DPP6: variants seen among roughly 807,000 people sequenced by gnomAD.
DPP6 encodes dipeptidyl peptidase like 6.
A neutral mutation model predicts 122.6 loss-of-function variants in DPP6; 69 were observed. That is an observed-to-expected ratio of 0.56 (90% confidence interval 0.46 to 0.69). DPP6 has a LOEUF of 0.69. Among genes scored for constraint, DPP6 ranks in the 30% least tolerant of loss-of-function variants. The pLI is 0.00. For synonymous variants in DPP6, 418 were observed against 433.1 expected (o/e 0.97, Z 0.43); for missense variants, 928 against 1,116.9 (o/e 0.83, Z 2.41).
chr7:154,715,230 C>A (rs905523555), intron 7 of DPP6, among the ~76,000 whole-genome samples: 2 of 152,062 alleles, frequency 1.3e-5, no homozygotes, highest in Non-Finnish European at 2.9e-5. Flanking sequence ...CCATACCTGG[C>A]TAATTTTTGT....
intron 1 of DPP6, among the ~76,000 whole-genome samples, chr7:154,104,823 G>A (rs1806031267): frequency 1.3e-5 from 2 of 151,764 alleles, no homozygotes; most frequent in East Asian, 1.9e-4. Context: ...CAAACACTCA[G>A]TGTAAGATCA....
intron 1 of DPP6, among the ~76,000 whole-genome samples, chr7:153,967,486 G>A (rs1456819985): frequency 1.3e-5 from 2 of 152,294 alleles, no homozygotes; most frequent in Non-Finnish European, 2.9e-5. Context: ...GAATTACCAA[G>A]CCTGCCTTGT....
At chr7:154,062,015 G>T (rs200957388) in intron 1 of DPP6, among the ~76,000 whole-genome samples, 3 of 40,690 alleles carry the variant, frequency 7.4e-5, no homozygotes, top group Non-Finnish European at 1.6e-4. Context: ...CCCCATCGCA[G>T]GGGGGGGGAG....
chr7:153,789,896 C>A, the DPP6 span, among the ~76,000 whole-genome samples: 12 of 151,996 alleles, frequency 7.9e-5, no homozygotes, highest in Non-Finnish European at 1.5e-5. Context: ...AATATATAAT[C>A]TTCTTCAAAG....
chr7:154,600,065 C>T (rs1228496866), intron 5 of DPP6, among the ~76,000 whole-genome samples: 2 of 152,142 alleles, frequency 1.3e-5, no homozygotes, highest in Non-Finnish European at 2.9e-5. Context: ...TCCTGGCTTA[C>T]TCCAATTTCC....
At chr7:154,811,411 C>A (rs919677077) in intron 16 of DPP6, among the ~76,000 whole-genome samples, 4 of 152,178 alleles carry the variant, frequency 2.6e-5, no homozygotes, top group African/African-American at 9.7e-5. Context: ...GCTATGAAAT[C>A]TTAAAGGAGA....
intron 1 of DPP6, among the ~76,000 whole-genome samples, chr7:154,113,690 T>C (rs2150590463): frequency 6.6e-6 from 1 of 152,338 alleles, no homozygotes; most frequent in Non-Finnish European, 1.5e-5. Flanking sequence ...ATTTCCCCCA[T>C]GCCTTCTTTT....
intron 1 of DPP6, among the ~76,000 whole-genome samples, chr7:154,355,258 T>G (rs1157114190): frequency 6.6e-6 from 1 of 152,240 alleles, no homozygotes; most frequent in East Asian, 1.9e-4. Flanking sequence ...CTACAAAAGT[T>G]ATTTATATAT....
chr7:154,332,102 C>T (rs1482783190), intron 1 of DPP6, among the ~76,000 whole-genome samples: 1 of 149,664 alleles, frequency 6.7e-6, no homozygotes, highest in Non-Finnish European at 1.5e-5. Context: ...GACAGAGTCT[C>T]ACTCTGTCAC....
chr7:154,198,451 G>A (rs1445676177), intron 1 of DPP6, among the ~76,000 whole-genome samples: 1 of 151,950 alleles, frequency 6.6e-6, no homozygotes, highest in South Asian at 2.1e-4. Flanking sequence ...AGCTGGAATT[G>A]CAGGTGTGTG....
intron 10 of DPP6, 41 bp from the exon 11 acceptor site, chr7:154,794,038 G>C: frequency 6.3e-7 from 1 of 1,598,350 alleles, no homozygotes; most frequent in South Asian, 1.1e-5. Flanking sequence ...TGTCGTGCGG[G>C]GGTCCTGCCA....
In DPP6 at chr7:154,481,807, T is replaced by C. The variant is rs1310278280; in HGVS notation, c.457+6770T>C. ...TCCCTAATTCTTGCTCTGCCCCACATTGACTCTTCTGGTTTTGGATTCTCC... is the reference window on the plus strand; with the variant it reads ...TCCCTAATTCTTGCTCTGCCCCACACTGACTCTTCTGGTTTTGGATTCTCC... On this transcript the variant is annotated intron_variant, in intron 3 of 25. Transcript: ENST00000377770. The surrounding 1 kb of genome is among the most constrained non-coding windows in gnomAD (Gnocchi z 4.2). 6.6e-6 allele frequency among the ~76,000 whole-genome samples: 1 copy of C among 152,140 alleles called. No homozygotes were observed. The highest frequency in any genetic ancestry group is 1.9e-4 in the East Asian group (1 of 5,176).
intron 6 of DPP6, among the ~76,000 whole-genome samples, chr7:154,642,774 T>C (rs10264664): frequency 0.15 from 22,672 of 151,550 alleles, 1,978 homozygotes; most frequent in African/African-American, 0.25. Flanking sequence ...CTACTAAAAA[T>C]ACAAAACTTG....
intron 1 of DPP6, among the ~76,000 whole-genome samples, chr7:153,915,932 G>A (rs570560347): frequency 5.2e-4 from 77 of 148,248 alleles, no homozygotes; most frequent in African/African-American, 1.9e-3. Flanking sequence ...AAGATAAATA[G>A]CTCCTCTGAT....
the DPP6 span, among the ~76,000 whole-genome samples, chr7:153,835,571 T>C: frequency 1.7e-3 from 251 of 152,106 alleles, 1 homozygote; most frequent in African/African-American, 5.8e-3. Flanking sequence ...TGAGGGCAGG[T>C]GATCAGGTGC....
At chr7:154,538,607 A>G (rs77416561) in intron 3 of DPP6, among the ~76,000 whole-genome samples, 4,971 of 152,338 alleles carry the variant, frequency 0.033, 271 homozygotes, top group African/African-American at 0.11. Flanking sequence ...TTAGAAATTC[A>G]TTCAGAGTAA....
At chr7:153,749,184 T>C in the DPP6 span, among the ~76,000 whole-genome samples, 4 of 151,800 alleles carry the variant, frequency 2.6e-5, no homozygotes, top group African/African-American at 9.7e-5. This position sits in a 1 kb window ranked among gnomAD's most constrained non-coding sequence, Gnocchi z 4.1. Context: ...ATCGCGGGGG[T>C]TGAGAGAACG....
chr7:154,394,051 A>G (rs962475765), intron 1 of DPP6, among the ~76,000 whole-genome samples: 3 of 152,140 alleles, frequency 2.0e-5, no homozygotes, highest in African/African-American at 7.2e-5. Context: ...TTATCAGTTG[A>G]TAGACTCTTG....
chr7:154,015,822 C>T (rs1162576112), intron 1 of DPP6, among the ~76,000 whole-genome samples: 2 of 152,132 alleles, frequency 1.3e-5, no homozygotes, highest in African/African-American at 2.4e-5. Flanking sequence ...TCCACTCCCC[C>T]TCCCACACCC....
Sources: gnomAD v4.1 joint callset for allele counts (sites outside exome capture counted in the v4.1 genomes callset) on GRCh38, gnomAD v4.1.1 for gene constraint, Gnocchi (gnomAD v3.1) non-coding constraint, MANE v1.5 for transcripts, NCBI Gene and HGNC (gene_info 2026-07-23, HGNC 2026-07-21) for gene names.